ZPBP: variants seen among roughly 807,000 people sequenced by gnomAD.
ZPBP encodes zona pellucida binding protein, also known as zona pellucida-binding protein 1.
ZPBP carries 26 observed loss-of-function variants against 44.8 expected under a neutral mutation model. The ratio of observed to expected loss-of-function variants is 0.58; its 90% CI spans 0.43 to 0.81. ZPBP has a LOEUF of 0.81. Ranked by LOEUF, ZPBP falls within the 30% of genes least tolerant of loss-of-function variation. The pLI is 0.00. For synonymous variants in ZPBP, 174 were observed against 153.2 expected, an observed-to-expected ratio of 1.14 and a Z score of -1.00; for missense variants, 409 against 434.0, an observed-to-expected ratio of 0.94 and a Z score of 0.51.
Position 49,855,229 on chromosome 7 carries a change from G to C in ZPBP, n.510-4715C>G, listed in dbSNP as rs999595520. Among the ~76,000 whole-genome samples the C allele has an allele frequency of 4.6e-5, 7 of 152,284 alleles. No homozygotes were observed. The East Asian group carries it at 1.2e-3, about 25-fold the overall frequency. The stretch of plus-strand genomic sequence containing the variant: ...CTTTTTCTCATGTCTCTGAAAATGG[G>C]ATATGTTTTACAATAAATGGTTGAG... On this transcript the variant is annotated intron_variant and non_coding_transcript_variant, in intron 2 of 2. Coordinates refer to the ZPBP transcript ENST00000465922.
intron 7 of ZPBP, among the ~76,000 whole-genome samples, chr7:49,980,484 T>A (rs1796799432): frequency 6.6e-6 from 1 of 151,476 alleles, no homozygotes; most frequent in Non-Finnish European, 1.5e-5. Context: ...AGGAAAAACG[T>A]TTATTTGTCT....
chr7:49,950,832 C>T (rs192844557), intron 7 of ZPBP, among the ~76,000 whole-genome samples: 40 of 151,710 alleles, frequency 2.6e-4, no homozygotes, highest in Admixed American at 1.1e-3. Flanking sequence ...CTTCCAGTTG[C>T]GATGCCAAAT....
the ZPBP span, among the ~76,000 whole-genome samples, chr7:49,843,517 A>G: frequency 6.6e-6 from 1 of 152,240 alleles, no homozygotes; most frequent in Admixed American, 6.5e-5. Context: ...ATTCACGATA[A>G]TTTGACTATT....
chr7:49,937,589 T>A lies in ZPBP; in HGVS notation c.995A>T (p.Asp332Val), dbSNP rs1452230016. 7.4e-6 allele frequency: 12 copies of A among 1,613,786 alleles called. No homozygotes were observed. Among genetic ancestry groups the A allele is most frequent in the Non-Finnish European group, 1.0e-5 (12 of 1,179,872 alleles). Reference protein sequence around the residue: ...ICSPGSYNPRDGIHCLQCNSS... With the variant: ...ICSPGSYNPRVGIHCLQCNSS... ...ATTGCATTGAAGGCAATGAATTCCA[T>A]CACGGGGGTTATATGATCCAGGGCT... The change falls in exon 8 of 8, where the codon GAT becomes GTT. Residue 332 changes from aspartate (D) to valine (V), a missense_variant. Around this residue, in one of 2 missense-constraint regions of ZPBP, gnomAD observed 42 missense variants for 71.0 expected, o/e 0.59. Coordinates refer to ENST00000046087, the MANE Select transcript of ZPBP (RefSeq NM_007009.3).
chr7:49,939,646 C>A (rs755469190), intron 7 of ZPBP, among the ~76,000 whole-genome samples: 7 of 151,870 alleles, frequency 4.6e-5, no homozygotes, highest in African/African-American at 1.7e-4. Context: ...AATGCACTAA[C>A]CATAATGTAA....
rs537165152 is a variant in ZPBP, at chr7:50,079,440, G to A, written c.334+2334C>T. Among the ~76,000 whole-genome samples the A allele has an allele frequency of 8.6e-5, 13 of 151,502 alleles. 1 individual carries two copies. The South Asian group carries it at 2.7e-3, about 32-fold the overall frequency. On this transcript the variant is annotated intron_variant, in intron 3 of 7. Coordinates refer to ENST00000046087, the MANE Select transcript of ZPBP (RefSeq NM_007009.3). Reference sequence around the variant, plus strand: ...AAATTCACTGTGCTAAGTAAAATAAGGCAGAAACTGAAATATGTGGAATCT... The same window carrying A: ...AAATTCACTGTGCTAAGTAAAATAAAGCAGAAACTGAAATATGTGGAATCT...
At chr7:50,007,532 T>G (rs932338490) in intron 6 of ZPBP, among the ~76,000 whole-genome samples, 7 of 152,096 alleles carry the variant, frequency 4.6e-5, no homozygotes, top group Non-Finnish European at 1.0e-4. Flanking sequence ...CTAGACTCAT[T>G]CTATGAGGCC....
chr7:49,899,549 T>C (rs1792593832), intron 2 of ZPBP, among the ~76,000 whole-genome samples: 1 of 151,934 alleles, frequency 6.6e-6, no homozygotes, highest in African/African-American at 2.4e-5. Flanking sequence ...CAGAGCAGAC[T>C]TTAGAACAAG....
chr7:49,947,811 C>T (rs954049625), intron 7 of ZPBP, among the ~76,000 whole-genome samples: 3 of 152,324 alleles, frequency 2.0e-5, no homozygotes, highest in East Asian at 1.9e-4. Flanking sequence ...TAAGTTTCTT[C>T]CAGCCCTAAC....
intron 6 of ZPBP, among the ~76,000 whole-genome samples, chr7:50,009,234 CAA>C (rs57312395): frequency 7.2e-5 from 9 of 125,172 alleles, no homozygotes; most frequent in Admixed American, 8.2e-5. Flanking sequence ...GACTCTGTCT[CAA>C]AAAAAAAAAA....
intron 7 of ZPBP, chr7:49,943,571 G>T (rs2128754267): frequency 2.7e-6 from 1 of 376,880 alleles, no homozygotes; most frequent in South Asian, 2.3e-5. Context: ...TTGCGAAAGG[G>T]GTCAGTAAGA....
intron 2 of ZPBP, among the ~76,000 whole-genome samples, chr7:49,863,862 T>A (rs866727696): frequency 7.9e-5 from 12 of 152,230 alleles, no homozygotes; most frequent in Non-Finnish European, 1.0e-4. Context: ...CGATTTGAGA[T>A]CCTTTTCTGT....
chr7:49,915,161 A>T (rs1244955315), intron 1 of ZPBP: 1 of 152,164 alleles, frequency 6.6e-6, no homozygotes, highest in Non-Finnish European at 1.5e-5. Context: ...CTTTTTATTG[A>T]CATTTCCCAG....
intron 1 of ZPBP, among the ~76,000 whole-genome samples, chr7:49,926,510 G>A (rs1230598138): frequency 1.3e-5 from 2 of 152,152 alleles, no homozygotes; most frequent in East Asian, 3.9e-4. Flanking sequence ...TGTCCTTGGT[G>A]GCACCCTTGT....
chr7:49,931,417 A>C (rs1164113438), intron 1 of ZPBP, among the ~76,000 whole-genome samples: 7 of 152,230 alleles, frequency 4.6e-5, no homozygotes, highest in Admixed American at 4.6e-4. Flanking sequence ...AATGAAGTCC[A>C]GGTTGAGGTG....
chr7:50,072,745 CTG>C, intron 3 of ZPBP, among the ~76,000 whole-genome samples: 1 of 152,246 alleles, frequency 6.6e-6, no homozygotes, highest in Non-Finnish European at 1.5e-5. Context: ...GGTAATACCT[CTG>C]TGAATCTGCA....
At chr7:49,909,654 C>T (rs944114372) in intron 1 of ZPBP, among the ~76,000 whole-genome samples, 5 of 152,122 alleles carry the variant, frequency 3.3e-5, no homozygotes, top group Non-Finnish European at 7.4e-5. Flanking sequence ...CAGATACTGG[C>T]CCCCTGGAAA....
chr7:49,937,431 T>TA (rs1794659301), downstream of ZPBP: 2 of 959,558 alleles, frequency 2.1e-6, no homozygotes, highest in Non-Finnish European at 3.3e-6. Context: ...CATTTTTTTG[T>TA]AAAATATGAT....
chr7:49,858,322 T>C (rs1044204072), intron 2 of ZPBP, among the ~76,000 whole-genome samples: 19 of 152,048 alleles, frequency 1.2e-4, no homozygotes, highest in African/African-American at 4.6e-4. Context: ...CCAACAATGA[T>C]AGACTGGATT....
Sources: gnomAD v4.1 joint callset for allele counts (sites outside exome capture counted in the v4.1 genomes callset) on GRCh38, gnomAD v4.1.1 for gene constraint, gnomAD v4.1.1 regional missense constraint, MANE v1.5 for transcripts, NCBI Gene and HGNC (gene_info 2026-07-23, HGNC 2026-07-21) for gene names.